The following CSGALNACT1 variants were observed in gnomAD, a reference collection of about 807,000 sequenced individuals.
CSGALNACT1 encodes the protein beta4GalNAcT-1.
Under a neutral mutation model 51.0 loss-of-function variants are expected in CSGALNACT1, and 52 were observed. That is an observed-to-expected ratio of 1.02 (90% CI 0.82 to 1.29). CSGALNACT1 has a LOEUF of 1.29. Ranked by LOEUF, CSGALNACT1 falls within the 50% of genes most tolerant of loss-of-function variation. CSGALNACT1 has a pLI of 0.00. For missense variants in CSGALNACT1, 935 were observed against 679.2 expected (o/e 1.38, Z -4.19); for synonymous variants, 341 against 254.4 (o/e 1.34, Z -3.24).
intron 4 of CSGALNACT1, among the ~76,000 whole-genome samples, chr8:19,479,009 T>C (rs1413675918): frequency 6.6e-6 from 1 of 152,214 alleles, no homozygotes; most frequent in Non-Finnish European, 1.5e-5. Context: ...GAGAGTGACT[T>C]ATTTGATGAT....
chr8:19,437,657 T>C (rs1413365070), intron 6 of CSGALNACT1, among the ~76,000 whole-genome samples: 2 of 152,188 alleles, frequency 1.3e-5, no homozygotes, highest in African/African-American at 4.8e-5. Flanking sequence ...CAGGTATAGG[T>C]ATAGGTATAT....
At chr8:19,599,472 A>AAAAGAAAGAAAT (rs1319884772) in intron 2 of CSGALNACT1, among the ~76,000 whole-genome samples, 21 of 113,806 alleles carry the variant, frequency 1.8e-4, no homozygotes, top group African/African-American at 2.8e-4. Flanking sequence ...GAAAGAAAGA[A>AAAAGAAAGAAAT]AAAGAAAGAA....
At chr8:19,431,725 G>C (rs978659915) in intron 6 of CSGALNACT1, among the ~76,000 whole-genome samples, 2 of 152,026 alleles carry the variant, frequency 1.3e-5, no homozygotes, top group African/African-American at 2.4e-5. Context: ...TTTTGGAAGA[G>C]TTTTTGACAC....
chr8:19,586,256 G>C (rs940995117), intron 3 of CSGALNACT1, among the ~76,000 whole-genome samples: 1 of 152,098 alleles, frequency 6.6e-6, no homozygotes, highest in Non-Finnish European at 1.5e-5. Flanking sequence ...CTACTTGGGA[G>C]GCTGAAGCAG....
chr8:19,500,531 C>T (rs969301179), intron 4 of CSGALNACT1, among the ~76,000 whole-genome samples: 2 of 152,204 alleles, frequency 1.3e-5, no homozygotes, highest in African/African-American at 4.8e-5. Flanking sequence ...GCATATTGCT[C>T]ACCAAACATG....
At chr8:19,696,094 A>G (rs1490822923) in intron 1 of CSGALNACT1, among the ~76,000 whole-genome samples, 1 of 152,220 alleles carries the variant, frequency 6.6e-6, no homozygotes, top group Non-Finnish European at 1.5e-5. Context: ...TTTAAAAACA[A>G]ATTGGATAGG....
At chr8:19,469,928 A>T (rs889131256) in intron 4 of CSGALNACT1, among the ~76,000 whole-genome samples, 3 of 152,154 alleles carry the variant, frequency 2.0e-5, no homozygotes, top group African/African-American at 7.2e-5. Flanking sequence ...GGAGAAAGGG[A>T]GGGAGGGAAG....
chr8:19,528,779 A>G (rs1249171643), intron 3 of CSGALNACT1, among the ~76,000 whole-genome samples: 2 of 152,168 alleles, frequency 1.3e-5, no homozygotes, highest in Non-Finnish European at 2.9e-5. Context: ...GTGTCCAACT[A>G]CAGAGTGTGC....
At chr8:19,737,177 A>G (rs986711965) in intron 1 of CSGALNACT1, among the ~76,000 whole-genome samples, 1 of 152,188 alleles carries the variant, frequency 6.6e-6, no homozygotes, top group African/African-American at 2.4e-5. Context: ...AAATGAAGTT[A>G]CTGTCAGATA....
At chr8:19,618,752 G>C (rs959605272) in intron 1 of CSGALNACT1, among the ~76,000 whole-genome samples, 1 of 151,882 alleles carries the variant, frequency 6.6e-6, no homozygotes, top group Non-Finnish European at 1.5e-5. Flanking sequence ...CAGTTCAGAC[G>C]GGGGACATGA....
At chr8:19,416,109 C>CTTTTTT (rs34491658) in intron 8 of CSGALNACT1, among the ~76,000 whole-genome samples, 19 of 116,716 alleles carry the variant, frequency 1.6e-4, no homozygotes, top group East Asian at 5.6e-4. Flanking sequence ...GAAATGAAAA[C>CTTTTTT]TTTTTTTTTT....
chr8:19,738,757 G>C (rs2064138028), intron 1 of CSGALNACT1, among the ~76,000 whole-genome samples: 1 of 152,146 alleles, frequency 6.6e-6, no homozygotes, highest in Non-Finnish European at 1.5e-5. Context: ...ATAAGACACT[G>C]TGCAGCGATA....
At chr8:19,751,286 T>C (rs1363084681) in intron 1 of CSGALNACT1, among the ~76,000 whole-genome samples, 2 of 152,090 alleles carry the variant, frequency 1.3e-5, no homozygotes, top group Non-Finnish European at 2.9e-5. Context: ...AAAACGCAGA[T>C]GATAAGAGTG....
intron 1 of CSGALNACT1, among the ~76,000 whole-genome samples, chr8:19,724,089 T>A (rs2063269688): frequency 6.6e-6 from 1 of 152,102 alleles, no homozygotes; most frequent in Admixed American, 6.5e-5. Flanking sequence ...TTTTCCAATA[T>A]CCAATAAGCT....
At chr8:19,506,603 G>A (rs74555405) in intron 3 of CSGALNACT1, among the ~76,000 whole-genome samples, 6,134 of 152,276 alleles carry the variant, frequency 0.04, 411 homozygotes, top group African/African-American at 0.14. Context: ...GTGGGGCCTG[G>A]TGGGAAGTGT....
chr8:19,419,526 A>T (rs1328917989), intron 7 of CSGALNACT1, among the ~76,000 whole-genome samples: 1 of 152,238 alleles, frequency 6.6e-6, no homozygotes. Flanking sequence ...GCCAGTGTTC[A>T]TCAGCTCAAT....
At chr8:19,588,018 C>T (rs2047020617) in intron 3 of CSGALNACT1, 1 of 152,132 alleles carries the variant, frequency 6.6e-6, no homozygotes, top group Non-Finnish European at 1.5e-5. Flanking sequence ...TTGCAAAACG[C>T]CGTCTCTATA....
chr8:19,442,336 CAG>C (rs1244832445), intron 5 of CSGALNACT1, among the ~76,000 whole-genome samples: 20 of 152,144 alleles, frequency 1.3e-4, no homozygotes, highest in African/African-American at 4.8e-4. Context: ...CCAACAATGA[CAG>C]AGTGGATTAA....
chr8:19,455,926 C>T (rs1160910929), intron 5 of CSGALNACT1, among the ~76,000 whole-genome samples: 3 of 152,234 alleles, frequency 2.0e-5, no homozygotes, highest in African/African-American at 7.2e-5. Context: ...CTCAAAACAT[C>T]CTCTCCAGGT....
Sources: allele counts gnomAD v4.1 joint callset (sites outside exome capture counted in the v4.1 genomes callset), GRCh38; gene constraint gnomAD v4.1.1; transcripts MANE v1.5; gene names NCBI Gene and HGNC (gene_info 2026-07-23, HGNC 2026-07-21).